PRKG1: variants seen among roughly 807,000 people sequenced by gnomAD.
PRKG1 encodes the protein protein kinase cGMP-dependent 1, also known as cGMP-dependent protein kinase 1.
In PRKG1, 35 loss-of-function variants were observed where a neutral mutation model predicts 88.1. The observed-to-expected ratio is 0.40, with a 90% confidence interval of 0.30 to 0.53. The LOEUF (loss-of-function observed/expected upper bound fraction) is 0.53. Ranked by LOEUF, PRKG1 falls within the 20% of genes least tolerant of loss-of-function variation. The pLI, the probability that PRKG1 is intolerant of heterozygous loss-of-function variation, is 0.59. For missense variants in PRKG1, 540 were observed against 839.8 expected (o/e 0.64, Z 4.41); for synonymous variants, 303 against 292.5 (o/e 1.04, Z -0.37).
chr10:51,591,903 A>G (rs1036436611), intron 3 of PRKG1, among the ~76,000 whole-genome samples: 1 of 152,186 alleles, frequency 6.6e-6, no homozygotes, highest in African/African-American at 2.4e-5. Flanking sequence ...TTTCACACTT[A>G]AGAGCCCCTT....
At chr10:51,082,185 A>G (rs575641363) in intron 1 of PRKG1, among the ~76,000 whole-genome samples, 5 of 152,302 alleles carry the variant, frequency 3.3e-5, no homozygotes, top group African/African-American at 7.2e-5. Flanking sequence ...CAGTCACACT[A>G]GGTTGAGCCT....
At chr10:51,931,852 G>C (rs1292950454) in intron 5 of PRKG1, among the ~76,000 whole-genome samples, 1 of 152,100 alleles carries the variant, frequency 6.6e-6, no homozygotes, top group Non-Finnish European at 1.5e-5. Flanking sequence ...TCTTATTCAA[G>C]TATTTGTGGG....
chr10:51,309,255 T>A lies in PRKG1; in HGVS notation c.478+155925T>A, dbSNP rs530275603. On this transcript the variant is annotated intron_variant, in intron 2 of 17. Transcript: ENST00000373980. ...AAGTGTCTTTCAAATCCCAGTCTCT[T>A]TCATAAACTCCTATTGGATTAAATA... is the stretch of plus-strand genomic sequence containing the variant. Among the ~76,000 whole-genome samples the A allele has an allele frequency of 3.9e-5, 6 of 152,208 alleles. No individual in the cohort carries two copies. The East Asian group carries it at 1.2e-3, about 29-fold the overall frequency.
intron 3 of PRKG1, among the ~76,000 whole-genome samples, chr10:51,766,132 G>A (rs193019310): frequency 6.6e-6 from 1 of 151,798 alleles, no homozygotes. Flanking sequence ...AGACACCAAG[G>A]GTGAGGTTAC....
At chr10:51,629,370 T>C (rs1839466156) in intron 3 of PRKG1, among the ~76,000 whole-genome samples, 1 of 151,984 alleles carries the variant, frequency 6.6e-6, no homozygotes, top group African/African-American at 2.4e-5. Context: ...TACATTGTAA[T>C]AATAATACAA....
At chr10:52,122,239 A>G (rs891748573) in intron 7 of PRKG1, among the ~76,000 whole-genome samples, 2 of 152,138 alleles carry the variant, frequency 1.3e-5, no homozygotes, top group Non-Finnish European at 2.9e-5. Flanking sequence ...ACAAACTCAC[A>G]CTTTCAATAG....
At chr10:51,538,633 C>A (rs1052988112) in intron 3 of PRKG1, among the ~76,000 whole-genome samples, 15 of 150,138 alleles carry the variant, frequency 1.0e-4, no homozygotes, top group African/African-American at 2.4e-4. Context: ...ATAATGTTAA[C>A]CCTACACATA....
chr10:51,772,758 C>A (rs1030138764), intron 3 of PRKG1, among the ~76,000 whole-genome samples: 4 of 151,928 alleles, frequency 2.6e-5, no homozygotes, highest in Admixed American at 1.3e-4. Flanking sequence ...CTCATCAACT[C>A]GGGCTAGGGG....
At chr10:52,193,693 A>G (rs1047480964) in intron 9 of PRKG1, among the ~76,000 whole-genome samples, 11 of 152,190 alleles carry the variant, frequency 7.2e-5, no homozygotes, top group Non-Finnish European at 2.9e-5. Flanking sequence ...TTAACAAACA[A>G]CATCAACAAA....
chr10:52,275,672 A>AT lies in PRKG1; in HGVS notation c.1403+3192dup, dbSNP rs1841856001. On this transcript the variant is annotated intron_variant, in intron 12 of 17. Coordinates refer to ENST00000373980, the MANE Select transcript of PRKG1 (RefSeq NM_006258.4). Reference sequence around the variant, plus strand: ...TTGCTTTGGCTATGTGGGCTCTTTTATGATCCCATATGAATTTTAGAATTT... The same window carrying AT: ...TTGCTTTGGCTATGTGGGCTCTTTTATTGATCCCATATGAATTTTAGAATTT... 1.1e-4 allele frequency among the ~76,000 whole-genome samples: 17 copies of AT among 152,084 alleles called. No individual in the cohort carries two copies. The South Asian group carries it at 3.5e-3, about 32-fold the overall frequency.
chr10:51,212,511 C>A (rs1838250236), intron 2 of PRKG1, among the ~76,000 whole-genome samples: 1 of 152,088 alleles, frequency 6.6e-6, no homozygotes, highest in African/African-American at 2.4e-5. Flanking sequence ...AAAGAAACCA[C>A]CATCAGAGTG....
chr10:51,507,811 G>A (rs1265288862), intron 3 of PRKG1, among the ~76,000 whole-genome samples: 2 of 152,090 alleles, frequency 1.3e-5, no homozygotes, highest in Non-Finnish European at 2.9e-5. Flanking sequence ...CATCGAAGAT[G>A]TTCTCCCTGA....
intron 5 of PRKG1, among the ~76,000 whole-genome samples, chr10:52,032,816 A>C (rs10762543): frequency 0.74 from 112,514 of 151,910 alleles, 41,836 homozygotes; most frequent in South Asian, 0.79. Context: ...TGAATTGGAC[A>C]TATCTTCATA....
intron 4 of PRKG1, among the ~76,000 whole-genome samples, chr10:51,895,540 T>C (rs1289946432): frequency 6.6e-6 from 1 of 152,184 alleles, no homozygotes; most frequent in Non-Finnish European, 1.5e-5. Context: ...TGGAGTGGAC[T>C]GATTTTGGTA....
chr10:51,100,712 T>C (rs1260380728), intron 1 of PRKG1, among the ~76,000 whole-genome samples: 1 of 152,160 alleles, frequency 6.6e-6, no homozygotes, highest in Non-Finnish European at 1.5e-5. Flanking sequence ...AAGTAACTGA[T>C]GGAGGAAGTG....
intron 5 of PRKG1, among the ~76,000 whole-genome samples, chr10:51,912,255 GA>G (rs1842234713): frequency 6.6e-6 from 1 of 152,210 alleles, no homozygotes; most frequent in East Asian, 1.9e-4. Flanking sequence ...GGAGGCTACA[GA>G]AAATTAAGCA....
In PRKG1 at chr10:51,494,391, T is replaced by G. The variant is rs746252060; in HGVS notation, c.592+26555T>G. 3.5e-4 allele frequency among the ~76,000 whole-genome samples: 54 copies of G among 152,344 alleles called. 1 individual carries two copies. The highest frequency in any genetic ancestry group is 6.2e-4 in the South Asian group (3 of 4,832). The stretch of plus-strand genomic sequence containing the variant: ...CTCATTTTAAAAAATGGGTAACTAT[T>G]GCCAGTATCTGTTAACTACTGGTAA... On this transcript the variant is annotated intron_variant, in intron 3 of 17. Coordinates refer to ENST00000373980, the MANE Select transcript of PRKG1 (RefSeq NM_006258.4).
At chr10:51,671,580 C>CTA (rs1223465832) in intron 3 of PRKG1, among the ~76,000 whole-genome samples, 4 of 149,844 alleles carry the variant, frequency 2.7e-5, no homozygotes, top group Admixed American at 1.3e-4. Flanking sequence ...TCTTCTCTCT[C>CTA]TCTCTCTCTC....
intron 3 of PRKG1, among the ~76,000 whole-genome samples, chr10:51,625,574 A>G (rs1198039075): frequency 1.3e-5 from 2 of 152,136 alleles, no homozygotes; most frequent in Admixed American, 1.3e-4. Context: ...AGGACAGGAG[A>G]GAGATGTGAG....
Sources: allele counts gnomAD v4.1 joint callset (sites outside exome capture counted in the v4.1 genomes callset), GRCh38; gene constraint gnomAD v4.1.1; transcripts MANE v1.5; gene names NCBI Gene and HGNC (gene_info 2026-07-23, HGNC 2026-07-21).